Variants in SHANK2 observed in about 807,000 individuals in gnomAD.
SHANK2 encodes SH3 and multiple ankyrin repeat domains 2, also known as SH3 and multiple ankyrin repeat domains protein 2.
In SHANK2, 43 loss-of-function variants were observed where a neutral mutation model predicts 133.7. That is an observed-to-expected ratio of 0.32 (90% confidence interval 0.25 to 0.41). The LOEUF is 0.41. Among genes scored for constraint, SHANK2 ranks in the 10% least tolerant of loss-of-function variants. SHANK2 has a pLI of 1.00. For synonymous variants in SHANK2, 1,017 were observed against 952.8 expected (o/e 1.07, Z -1.24); for missense variants, 1,994 against 2,235.8 (o/e 0.89, Z 2.18).
At chr11:70,889,598 C>T (rs1376907015) in intron 11 of SHANK2, among the ~76,000 whole-genome samples, 3 of 152,158 alleles carry the variant, frequency 2.0e-5, no homozygotes, top group South Asian at 2.1e-4. Flanking sequence ...GATTTGAAAC[C>T]GCAGTTCCAG....
chr11:70,821,494 C>T (rs1202685909), intron 11 of SHANK2, among the ~76,000 whole-genome samples: 2 of 152,144 alleles, frequency 1.3e-5, no homozygotes, highest in Non-Finnish European at 2.9e-5. Flanking sequence ...GGCACGACCT[C>T]GGCTCACTGC....
chr11:71,191,194 A>G (rs2135581145), intron 2 of SHANK2, among the ~76,000 whole-genome samples: 1 of 152,242 alleles, frequency 6.6e-6, no homozygotes, highest in Non-Finnish European at 1.5e-5. Flanking sequence ...AAAAAAATGC[A>G]AAAATGAACG....
chr11:70,936,101 C>A (rs1950566927), intron 10 of SHANK2, among the ~76,000 whole-genome samples: 1 of 152,214 alleles, frequency 6.6e-6, no homozygotes, highest in African/African-American at 2.4e-5. Context: ...CAAGTAAACA[C>A]CATTCCTTAA....
chr11:70,953,706 C>T (rs373345720), intron 10 of SHANK2, among the ~76,000 whole-genome samples: 1 of 152,192 alleles, frequency 6.6e-6, no homozygotes, highest in Admixed American at 6.5e-5. Flanking sequence ...GTGGGTCTTC[C>T]TCTCCCAGCC....
At chr11:71,094,503 G>A (rs1291998039) in intron 7 of SHANK2, 34 bp downstream of exon 7, 6 of 1,539,706 alleles carry the variant, frequency 3.9e-6, no homozygotes, top group Non-Finnish European at 5.3e-6. Context: ...TCAGAGCACG[G>A]GGTGGCACCC....
intron 17 of SHANK2, among the ~76,000 whole-genome samples, chr11:70,621,784 G>T (rs967117207): frequency 6.6e-6 from 1 of 152,210 alleles, no homozygotes; most frequent in African/African-American, 2.4e-5. Context: ...ATGATCCATT[G>T]CTGTAACTCT....
At chr11:70,636,512 T>G (rs938869921) in intron 17 of SHANK2, among the ~76,000 whole-genome samples, 1 of 148,012 alleles carries the variant, frequency 6.8e-6, no homozygotes, top group African/African-American at 2.5e-5. Flanking sequence ...CGAGGATGCA[T>G]GAGAATGTGT....
chr11:70,756,917 A>G (rs1031797395), intron 14 of SHANK2, among the ~76,000 whole-genome samples: 8 of 152,198 alleles, frequency 5.3e-5, no homozygotes, highest in Non-Finnish European at 1.2e-4. Context: ...CCCTGGGCTC[A>G]GACCCAGGCT....
At chr11:71,089,083 C>T (rs1951460131) in intron 8 of SHANK2, among the ~76,000 whole-genome samples, 1 of 152,246 alleles carries the variant, frequency 6.6e-6, no homozygotes, top group African/African-American at 2.4e-5. Context: ...GTTTTAAAAA[C>T]CAAGCTCATT....
At chr11:70,615,085 G>T (rs879951823) in intron 17 of SHANK2, among the ~76,000 whole-genome samples, 1 of 152,234 alleles carries the variant, frequency 6.6e-6, no homozygotes, top group Non-Finnish European at 1.5e-5. Context: ...CTTCATGGAA[G>T]ACATCTTCCG....
intron 17 of SHANK2, among the ~76,000 whole-genome samples, chr11:70,533,958 C>T (rs1238289510): frequency 6.6e-6 from 1 of 152,230 alleles, no homozygotes; most frequent in Non-Finnish European, 1.5e-5. Flanking sequence ...CTCTTTATGG[C>T]CAAGTAGTGT....
intron 14 of SHANK2, among the ~76,000 whole-genome samples, chr11:70,709,247 T>C (rs782202305): frequency 2.0e-5 from 3 of 152,296 alleles, no homozygotes; most frequent in Middle Eastern, 3.4e-3. Context: ...AGAATTCCGA[T>C]GTAGGCGAAT....
chr11:71,219,113 A>G (rs1954480541), intron 2 of SHANK2, among the ~76,000 whole-genome samples: 1 of 152,210 alleles, frequency 6.6e-6, no homozygotes, highest in Non-Finnish European at 1.5e-5. Context: ...AGATGAGGAG[A>G]GAGCATTTCT....
At chr11:71,239,377 G>A (rs770406250) in intron 1 of SHANK2, among the ~76,000 whole-genome samples, 1 of 152,284 alleles carries the variant, frequency 6.6e-6, no homozygotes, top group East Asian at 1.9e-4. Context: ...CAGATAATAC[G>A]TTAATAATGA....
At chr11:70,796,153 T>C (rs1947906679) in intron 14 of SHANK2, among the ~76,000 whole-genome samples, 1 of 152,170 alleles carries the variant, frequency 6.6e-6, no homozygotes, top group Non-Finnish European at 1.5e-5. Context: ...GGGGACCCTG[T>C]CAACGGGGCT....
At chr11:70,716,173 G>A (rs1277698957) in intron 14 of SHANK2, among the ~76,000 whole-genome samples, 1 of 152,140 alleles carries the variant, frequency 6.6e-6, no homozygotes, top group East Asian at 1.9e-4. Flanking sequence ...AGAGCACCTC[G>A]AAGAAGGCCG....
chr11:70,495,002 A>G (rs772002001), intron 21 of SHANK2, among the ~76,000 whole-genome samples: 5 of 152,168 alleles, frequency 3.3e-5, no homozygotes, highest in Non-Finnish European at 7.3e-5. Flanking sequence ...GATGCTAAGC[A>G]TCTGCTTCTC....
intron 15 of SHANK2, among the ~76,000 whole-genome samples, chr11:70,689,055 A>G (rs1288210574): frequency 6.6e-6 from 1 of 152,166 alleles, no homozygotes; most frequent in Non-Finnish European, 1.5e-5. Flanking sequence ...AGTTCACCTG[A>G]GCTCTGCCGT....
At chr11:70,545,315 A>G (rs1565116947) in intron 17 of SHANK2, among the ~76,000 whole-genome samples, 1 of 152,290 alleles carries the variant, frequency 6.6e-6, no homozygotes, top group East Asian at 1.9e-4. Flanking sequence ...GCCTGTCTGC[A>G]GCTCCTGCTC....
Sources: gnomAD v4.1 joint callset for allele counts (sites outside exome capture counted in the v4.1 genomes callset) on GRCh38, gnomAD v4.1.1 for gene constraint, MANE v1.5 for transcripts, NCBI Gene and HGNC (gene_info 2026-07-23, HGNC 2026-07-21) for gene names.